CFAP96: variants seen among roughly 807,000 people sequenced by gnomAD.
The protein encoded by CFAP96 is cilia and flagella associated protein 96, also known as cilia-and flagella-associated protein 96.
the CFAP96 span, chr4:185,415,470 G>A: frequency 1.1e-4 from 94 of 886,428 alleles, 1 homozygote; most frequent in Middle Eastern, 1.4e-3. Flanking sequence ...GCTAAAGGAA[G>A]TCTGAATTAT....
the CFAP96 span, among the ~76,000 whole-genome samples, chr4:185,417,934 C>T: frequency 2.6e-5 from 4 of 151,896 alleles, no homozygotes; most frequent in African/African-American, 9.7e-5. Context: ...ATCCCAGCTA[C>T]TCAGGAGGCC....
chr4:185,418,393 C>A, the CFAP96 span: 2 of 1,439,900 alleles, frequency 1.4e-6, no homozygotes, highest in South Asian at 1.2e-5. Context: ...GTTCCAAATC[C>A]AAAGATTTAA....
At chr4:185,442,205 T>G in the CFAP96 span, among the ~76,000 whole-genome samples, 1 of 152,108 alleles carries the variant, frequency 6.6e-6, no homozygotes, top group Admixed American at 6.5e-5. Flanking sequence ...TCTCCAGAAC[T>G]TCAGAATTAT....
the CFAP96 span, chr4:185,431,871 C>A: frequency 1.2e-6 from 1 of 864,962 alleles, no homozygotes; most frequent in Non-Finnish European, 1.8e-6. Flanking sequence ...TGCTTTAGAG[C>A]TCAAAATTCA....
chr4:185,421,301 C>T, the CFAP96 span, among the ~76,000 whole-genome samples: 7 of 152,196 alleles, frequency 4.6e-5, no homozygotes, highest in African/African-American at 1.4e-4. Flanking sequence ...GCTGCAATCT[C>T]CTTCAAGGAA....
At chr4:185,445,216 T>C in the CFAP96 span, 1 of 1,209,872 alleles carries the variant, frequency 8.3e-7, no homozygotes, top group South Asian at 1.6e-5. Context: ...CTTTTATTTA[T>C]ATATACTTTT....
At chr4:185,445,518 G>A in the CFAP96 span, 4 of 1,577,890 alleles carry the variant, frequency 2.5e-6, no homozygotes, top group East Asian at 6.7e-5. Context: ...ATGCTTGAGA[G>A]TTCTGTCTTT....
the CFAP96 span, among the ~76,000 whole-genome samples, chr4:185,442,085 ATTTG>A: frequency 6.6e-6 from 1 of 151,934 alleles, no homozygotes; most frequent in Non-Finnish European, 1.5e-5. Flanking sequence ...TGACTCATCT[ATTTG>A]TTTATTTCTG....
the CFAP96 span, among the ~76,000 whole-genome samples, chr4:185,443,754 C>T: frequency 2.0e-5 from 3 of 151,774 alleles, no homozygotes; most frequent in African/African-American, 7.3e-5. Flanking sequence ...TAAAGCATCA[C>T]TTGGGTTTAT....
At chr4:185,413,237 A>C in the CFAP96 span, among the ~76,000 whole-genome samples, 1 of 152,034 alleles carries the variant, frequency 6.6e-6, no homozygotes, top group East Asian at 1.9e-4. Context: ...AAAATACAAA[A>C]ATTAGCCAGG....
At chr4:185,411,960 C>T in the CFAP96 span, among the ~76,000 whole-genome samples, 6 of 152,132 alleles carry the variant, frequency 3.9e-5, no homozygotes, top group Non-Finnish European at 1.5e-5. Flanking sequence ...TACGCTGAAA[C>T]TACTTTTTAA....
the CFAP96 span, among the ~76,000 whole-genome samples, chr4:185,436,697 G>A: frequency 1.9e-5 from 2 of 106,644 alleles, no homozygotes; most frequent in African/African-American, 3.2e-5. Context: ...GTGACAGAAC[G>A]AGACTCCGTC....
chr4:185,446,393 A>G, the CFAP96 span, among the ~76,000 whole-genome samples: 1 of 152,158 alleles, frequency 6.6e-6, no homozygotes, highest in Non-Finnish European at 1.5e-5. Flanking sequence ...TGGTGTTCAT[A>G]CTTGTACTAC....
chr4:185,446,429 A>G, the CFAP96 span, among the ~76,000 whole-genome samples: 1 of 152,182 alleles, frequency 6.6e-6, no homozygotes, highest in East Asian at 1.9e-4. Context: ...GACTACTGAG[A>G]AGATTCTGTG....
chr4:185,414,301 G>C, the CFAP96 span, among the ~76,000 whole-genome samples: 1 of 152,194 alleles, frequency 6.6e-6, no homozygotes, highest in East Asian at 1.9e-4. Flanking sequence ...TATATTGTAA[G>C]TGGTAGTGAT....
the CFAP96 span, among the ~76,000 whole-genome samples, chr4:185,438,224 GT>G: frequency 6.6e-6 from 1 of 151,440 alleles, no homozygotes; most frequent in South Asian, 2.1e-4. Context: ...TGTGCATTAG[GT>G]CTCTTGAAAT....
At chr4:185,418,800 A>G in the CFAP96 span, 2 of 1,534,718 alleles carry the variant, frequency 1.3e-6, no homozygotes, top group South Asian at 2.5e-5. Flanking sequence ...ATAGAAGTTA[A>G]GAAAAACAAA....
chr4:185,447,267 C>T, the CFAP96 span, among the ~76,000 whole-genome samples: 11 of 151,872 alleles, frequency 7.2e-5, no homozygotes, highest in Non-Finnish European at 1.3e-4. Flanking sequence ...CTGCAAGCTC[C>T]ACCTGCCGGG....
the CFAP96 span, among the ~76,000 whole-genome samples, chr4:185,411,486 G>T: frequency 1.3e-5 from 2 of 152,066 alleles, no homozygotes; most frequent in Non-Finnish European, 2.9e-5. Context: ...TATCATTCAC[G>T]AACATAGATG....
Sources: allele counts gnomAD v4.1 joint callset (sites outside exome capture counted in the v4.1 genomes callset), GRCh38; gene constraint gnomAD v4.1.1; transcripts MANE v1.5; gene names NCBI Gene and HGNC (gene_info 2026-07-23, HGNC 2026-07-21).